HTN1: variants seen among roughly 807,000 people sequenced by gnomAD.
The protein encoded by HTN1 is histatin-1.
In HTN1, 18 loss-of-function variants were observed where a neutral mutation model predicts 11.2. That is an observed-to-expected ratio of 1.61 (90% CI 1.12 to 2.39). The LOEUF is 2.39. Ranked by LOEUF, HTN1 falls within the 30% of genes most tolerant of loss-of-function variation. HTN1 has a pLI of 0.00. For missense variants in HTN1, 80 were observed against 67.2 expected (o/e 1.19, Z -0.67); for synonymous variants, 21 against 20.5 (o/e 1.02, Z -0.07).
chr4:70,057,396 G>A (rs1399857969), intron 5 of HTN1: 2 of 150,956 alleles, frequency 1.3e-5, no homozygotes, highest in South Asian at 2.1e-4. Context: ...AGGGAGTAAG[G>A]GAAGGTAACA....
At chr4:70,057,189 T>C (rs748039136) in intron 5 of HTN1, 8 of 152,188 alleles carry the variant, frequency 5.3e-5, no homozygotes, top group Non-Finnish European at 4.4e-5. Flanking sequence ...ATATACACCA[T>C]GGAGTACTAT....
At position 70,055,494 on chromosome 4, in the gene HTN1, G is replaced by A. The variant is rs199580841; in HGVS notation, c.103-4G>A. On this transcript the variant is annotated splice_region_variant and splice_polypyrimidine_tract_variant and intron_variant, in intron 4 of 5. Coordinates refer to ENST00000246896, the MANE Select transcript of HTN1 (RefSeq NM_002159.4). Reference sequence around the variant, plus strand: ...ATTTGCTCTCTCCTTTTGTGTGTATGCAGGAAAAGCATCATTCACATCGAG... The same window carrying A: ...ATTTGCTCTCTCCTTTTGTGTGTATACAGGAAAAGCATCATTCACATCGAG... 823 of 1,581,490 alleles carry A rather than the reference G, an allele frequency of 5.2e-4. No individual in the cohort carries two copies. The highest frequency in any genetic ancestry group is 6.6e-4 in the Non-Finnish European group (755 of 1,151,258).
Position 70,058,696 on chromosome 4 carries a change from A to G in HTN1, c.*150A>G, listed in dbSNP as rs1357533452. 2.0e-5 allele frequency: 3 copies of G among 152,160 alleles called. No homozygotes were observed. The highest frequency in any genetic ancestry group is 2.9e-5 in the Non-Finnish European group (2 of 68,016). The allele number at this position is 152,160 out of a possible 1,614,324, so 9.4% of individuals were successfully genotyped here. ...AATGGAGAATAAAAGAAAGACCATG[A>G]TTTAGTGAATTCTGTGTTTCATGAT... On this transcript the variant is annotated 3_prime_UTR_variant, in exon 6 of 6. Coordinates refer to ENST00000246896, the MANE Select transcript of HTN1 (RefSeq NM_002159.4).
In HTN1 at chr4:70,054,544, T is replaced by C. The variant is rs568372781; in HGVS notation, c.102+94T>C. 4.0e-5 allele frequency: 33 copies of C among 819,048 alleles called. 1 individual carries two copies. The East Asian group carries it at 8.9e-4, about 22-fold the overall frequency. The allele number at this position is 819,048 out of a possible 1,614,324, so 50.7% of individuals were successfully genotyped here. A position where few individuals can be genotyped will look rare whatever the true frequency, so the allele number is the denominator to read the frequency against. On this transcript the variant is annotated intron_variant, in intron 4 of 5. Coordinates refer to ENST00000246896, the MANE Select transcript of HTN1 (RefSeq NM_002159.4). Reference sequence around the variant, plus strand: ...AATCAATAGTTGTCTCTCAAATATATCTATATCATTAATTGCTAAAGTGCA... The same window carrying C: ...AATCAATAGTTGTCTCTCAAATATACCTATATCATTAATTGCTAAAGTGCA...
intron 5 of HTN1, 38 bp downstream of exon 5, chr4:70,055,640 C>T: frequency 1.1e-6 from 1 of 913,386 alleles, no homozygotes; most frequent in Non-Finnish European, 1.7e-6. Context: ...CTAGAAGTGT[C>T]AACACTGACA....
intron 1 of HTN1, among the ~76,000 whole-genome samples, chr4:70,051,712 A>T (rs6854359): frequency 6.6e-6 from 1 of 151,930 alleles, no homozygotes; most frequent in East Asian, 1.9e-4. Context: ...GAAGCAAAAT[A>T]AACGAATAAA....
chr4:70,055,677 A>C (rs989243511), intron 5 of HTN1, 75 bp downstream of exon 5: 3 of 689,294 alleles, frequency 4.4e-6, no homozygotes, highest in Non-Finnish European at 7.5e-6. Flanking sequence ...ATAAGCTAAC[A>C]ACCATTCCAG....
rs201645043 is a variant in HTN1, at chr4:70,055,509, T to C, written c.114T>C (p.His38=). Reference sequence around the variant, plus strand: ...TTGTGTGTATGCAGGAAAAGCATCATTCACATCGAGAATTTCCATTTTATG... The same window carrying C: ...TTGTGTGTATGCAGGAAAAGCATCACTCACATCGAGAATTTCCATTTTATG... ...GYRRKFHEKH[H]SHREFPFYGD... is the part of the protein sequence containing the mutation. The change falls in exon 5 of 6, where the codon CAT becomes CAC. Residue 38 remains histidine, a synonymous_variant. Transcript: ENST00000246896. 94 of 1,594,438 alleles carry C rather than the reference T, an allele frequency of 5.9e-5. No individual in the cohort carries two copies. The highest frequency in any genetic ancestry group is 1.5e-4 in the African/African-American group (11 of 74,444).
intron 4 of HTN1, among the ~76,000 whole-genome samples, chr4:70,055,269 A>G (rs1726007221): frequency 6.6e-6 from 1 of 152,050 alleles, no homozygotes; most frequent in South Asian, 2.1e-4. Flanking sequence ...CACCTGTGCT[A>G]TTGTCACAAA....
At chr4:70,050,893 G>A (rs142069743) in intron 1 of HTN1, among the ~76,000 whole-genome samples, 417 of 152,108 alleles carry the variant, frequency 2.7e-3, no homozygotes, top group African/African-American at 9.2e-3. Context: ...TTTAAGCCCC[G>A]CATGCATTAG....
At position 70,054,383 on chromosome 4, in the gene HTN1, A is replaced by G. The variant is rs1209327548; in HGVS notation, c.73-38A>G. 4.6e-6 allele frequency: 7 copies of G among 1,529,262 alleles called. No individual in the cohort carries two copies. The Admixed American group carries it at 5.3e-5, about 12-fold the overall frequency. The allele number at this position is 1,529,262 out of a possible 1,614,324, so 94.7% of individuals were successfully genotyped here. A position where few individuals can be genotyped will look rare whatever the true frequency, so the allele number is the denominator to read the frequency against. On this transcript the variant is annotated intron_variant, in intron 3 of 5. Coordinates refer to ENST00000246896, the MANE Select transcript of HTN1 (RefSeq NM_002159.4). Reference sequence around the variant, plus strand: ...TTACGGGAAAACTTGATAAATAAACATATATTGAATTTTTAATCTTTTCTT... The same window carrying G: ...TTACGGGAAAACTTGATAAATAAACGTATATTGAATTTTTAATCTTTTCTT...
intron 5 of HTN1, 83 bp downstream of exon 5, chr4:70,055,685 C>T: frequency 1.5e-6 from 1 of 660,340 alleles, no homozygotes; most frequent in African/African-American, 1.8e-5. Flanking sequence ...ACAACCATTC[C>T]AGTTTAAGAA....
rs770827466 is a variant in HTN1 at position 70,053,158 on chromosome 4, A to G, written c.51+31A>G. The G allele has an allele frequency of 3.6e-6, 5 of 1,390,606 alleles. No homozygotes were observed. In the East Asian group the frequency reaches 9.1e-5, roughly 25 times the overall value. 86.1% of individuals were successfully genotyped at this position (1,390,606 alleles called of 1,614,324 possible). A position where few individuals can be genotyped will look rare whatever the true frequency, so the allele number is the denominator to read the frequency against. ...TATATCTGGAAATTTTAAATACTACATTCTCAGTACTTATCCCAAGTGTCT... is the reference window on the plus strand; with the variant it reads ...TATATCTGGAAATTTTAAATACTACGTTCTCAGTACTTATCCCAAGTGTCT... On this transcript the variant is annotated intron_variant, in intron 2 of 5. Transcript: ENST00000246896.
At position 70,055,621 on chromosome 4, in the gene HTN1, C is replaced by T; in HGVS notation, c.*33+19C>T. ...TATAGAGGTAAGCTGACTCTAGTTG[C>T]TTGTCTTTCTAGAAGTGTCAACACT... On this transcript the variant is annotated intron_variant, in intron 5 of 5. Transcript: ENST00000246896. 9.3e-7 allele frequency: 1 copy of T among 1,076,568 alleles called. No individual in the cohort carries two copies. Among genetic ancestry groups the T allele is most frequent in the South Asian group, 1.3e-5 (1 of 76,928 alleles). 66.7% of individuals were successfully genotyped at this position (1,076,568 alleles called of 1,614,324 possible). A position where few individuals can be genotyped will look rare whatever the true frequency, so the allele number is the denominator to read the frequency against.
intron 1 of HTN1, 46 bp downstream of exon 1, chr4:70,050,541 T>C (rs1301939829): frequency 6.6e-6 from 1 of 152,124 alleles, no homozygotes; most frequent in Non-Finnish European, 1.5e-5. Context: ...AGCATAAGCT[T>C]TTGTTTGCTA....
intron 5 of HTN1, chr4:70,057,438 A>C (rs1263199013): frequency 1.3e-5 from 2 of 152,184 alleles, no homozygotes; most frequent in Non-Finnish European, 2.9e-5. Flanking sequence ...GCAAACCACC[A>C]TGGCACACAT....
rs1302126590 is a variant in HTN1, at chr4:70,054,454, A to G, written c.102+4A>G. The G allele has an allele frequency of 1.3e-6, 2 of 1,487,920 alleles. No homozygotes were observed. The highest frequency in any genetic ancestry group is 4.6e-5 in the East Asian group (2 of 43,598). The allele number at this position is 1,487,920 out of a possible 1,614,324, so 92.2% of individuals were successfully genotyped here. A position where few individuals can be genotyped will look rare whatever the true frequency, so the allele number is the denominator to read the frequency against. Reference sequence around the variant, plus strand: ...TGGGTATAGAAGAAAATTCCATGTAAGTGTTCTTCTGATAATGTGCACTCT... The same window carrying G: ...TGGGTATAGAAGAAAATTCCATGTAGGTGTTCTTCTGATAATGTGCACTCT... On this transcript the variant is annotated splice_donor_region_variant and intron_variant, in intron 4 of 5. Transcript: ENST00000246896.
chr4:70,050,628 A>G (rs1174441281), intron 1 of HTN1, 133 bp downstream of exon 1: 1 of 152,160 alleles, frequency 6.6e-6, no homozygotes, highest in Non-Finnish European at 1.5e-5. Flanking sequence ...TATTTGCCTA[A>G]ATAAATAATT....
intron 2 of HTN1, among the ~76,000 whole-genome samples, chr4:70,053,910 TAAAC>T (rs1013503368): frequency 7.2e-5 from 11 of 152,084 alleles, no homozygotes; most frequent in South Asian, 4.1e-4. Flanking sequence ...AGTAGAAAAA[TAAAC>T]AAATAAGAAC....
Sources: allele counts gnomAD v4.1 joint callset (sites outside exome capture counted in the v4.1 genomes callset), GRCh38; gene constraint gnomAD v4.1.1; transcripts MANE v1.5; gene names NCBI Gene and HGNC (gene_info 2026-07-23, HGNC 2026-07-21).